KCNJ3: variants seen among roughly 807,000 people sequenced by gnomAD.
KCNJ3 encodes the protein potassium inwardly rectifying channel subfamily J member 3.
Under a neutral mutation model 39.2 loss-of-function variants are expected in KCNJ3, and 4 were observed. The observed-to-expected ratio is 0.10, with a 90% CI of 0.05 to 0.23. The LOEUF is 0.23. KCNJ3 is among the 10% of genes least tolerant of loss of function. The pLI is 1.00. For missense variants in KCNJ3, 276 were observed against 634.9 expected (o/e 0.43, Z 6.08); for synonymous variants, 230 against 237.4 (o/e 0.97, Z 0.29).
intron 2 of KCNJ3, among the ~76,000 whole-genome samples, chr2:154,743,544 A>AT (rs1685687630): frequency 6.7e-6 from 1 of 149,308 alleles, no homozygotes; most frequent in African/African-American, 2.4e-5. Flanking sequence ...AATTGTATAC[A>AT]TTTTTTCAGA....
chr2:154,841,002 G>T (rs1054539206), intron 2 of KCNJ3, among the ~76,000 whole-genome samples: 1 of 152,138 alleles, frequency 6.6e-6, no homozygotes, highest in African/African-American at 2.4e-5. Flanking sequence ...GAACATCCTT[G>T]TCTGGTGCCA....
chr2:154,745,261 C>G (rs1685720945), intron 2 of KCNJ3, among the ~76,000 whole-genome samples: 1 of 151,914 alleles, frequency 6.6e-6, no homozygotes, highest in Non-Finnish European at 1.5e-5. Context: ...TGGAGTTCTT[C>G]TATATCCTTA....
rs142813111 is a variant in KCNJ3, at chr2:154,840,085, C to G, written c.920-14642C>G. On this transcript the variant is annotated intron_variant, in intron 2 of 2. Transcript: ENST00000295101. The stretch of plus-strand genomic sequence containing the variant: ...ATGGTTTTAGGTCTAACATTTAAGT[C>G]TTTAATGCATCTTGAATTACTTTTT... Among the ~76,000 whole-genome samples, 93 of 152,246 alleles carry G rather than the reference C, an allele frequency of 6.1e-4. No homozygotes were observed. The East Asian group carries it at 0.015, about 25-fold the overall frequency.
At chr2:154,760,712 C>G (rs1686022800) in intron 2 of KCNJ3, among the ~76,000 whole-genome samples, 1 of 150,754 alleles carries the variant, frequency 6.6e-6, no homozygotes, top group African/African-American at 2.4e-5. Flanking sequence ...TGCCAACACC[C>G]TGGCTATTTT....
intron 2 of KCNJ3, among the ~76,000 whole-genome samples, chr2:154,794,532 C>G (rs1686687323): frequency 6.6e-6 from 1 of 152,040 alleles, no homozygotes; most frequent in African/African-American, 2.4e-5. Context: ...TGCAGTATGA[C>G]TGAGTGGAGG....
intron 2 of KCNJ3, among the ~76,000 whole-genome samples, chr2:154,780,292 C>T (rs1686414723): frequency 6.6e-6 from 1 of 152,034 alleles, no homozygotes; most frequent in Admixed American, 6.6e-5. Flanking sequence ...AGTTTATGTG[C>T]CTATATTGTG....
At chr2:154,809,094 T>A (rs1051392439) in intron 2 of KCNJ3, among the ~76,000 whole-genome samples, 2 of 152,130 alleles carry the variant, frequency 1.3e-5, no homozygotes. Flanking sequence ...CTTGGAATAG[T>A]AACAGTTTTC....
chr2:154,848,497 C>T (rs1483473992), intron 2 of KCNJ3, among the ~76,000 whole-genome samples: 1 of 151,872 alleles, frequency 6.6e-6, no homozygotes, highest in Admixed American at 6.6e-5. Context: ...TTTCTTTTTC[C>T]CGTCCAGTAG....
intron 2 of KCNJ3, among the ~76,000 whole-genome samples, chr2:154,719,072 C>G (rs573370929): frequency 6.6e-6 from 1 of 152,222 alleles, no homozygotes; most frequent in South Asian, 2.1e-4. Context: ...GGTCTTGGGA[C>G]TACCTGTATC....
At chr2:154,781,813 G>A (rs1330409069) in intron 2 of KCNJ3, among the ~76,000 whole-genome samples, 1 of 152,162 alleles carries the variant, frequency 6.6e-6, no homozygotes, top group Non-Finnish European at 1.5e-5. Context: ...GAGTATATCT[G>A]TGACTTTTAA....
In KCNJ3 at chr2:154,782,787, C is replaced by T. The variant is rs76144666; in HGVS notation, c.920-71940C>T. 2.1e-3 allele frequency among the ~76,000 whole-genome samples: 316 copies of T among 151,866 alleles called. 1 individual carries two copies. The highest frequency in any genetic ancestry group is 0.012 in the East Asian group (60 of 5,172). On this transcript the variant is annotated intron_variant, in intron 2 of 2. Transcript: ENST00000295101. Reference sequence around the variant, plus strand: ...ACCTTGTTTATTTTTTTCAGTTGGCCGGAGTGTATACAAGTACAAAAGAAG... The same window carrying T: ...ACCTTGTTTATTTTTTTCAGTTGGCTGGAGTGTATACAAGTACAAAAGAAG...
chr2:154,855,046 C>T lies in KCNJ3; in HGVS notation c.1239C>T (p.Pro413=), dbSNP rs1413769614. The part of the protein sequence containing the change: ...LQKITGREDF[P]KKLLRMSSTT... ...AAATTACTGGAAGAGAAGACTTTCC[C>T]AAAAAACTCTTGAGGATGAGTTCTA... The change falls in exon 3 of 3, where the codon CCC becomes CCT. Residue 413 remains proline (P), a synonymous_variant. Coordinates refer to ENST00000295101, the MANE Select transcript of KCNJ3 (RefSeq NM_002239.4). The T allele has an allele frequency of 6.2e-7, 1 of 1,613,916 alleles. No homozygotes were observed. Among genetic ancestry groups the T allele is most frequent in the East Asian group, 2.2e-5 (1 of 44,860 alleles).
Position 154,839,174 on chromosome 2 carries a change from C to T in KCNJ3, c.920-15553C>T, listed in dbSNP as rs1261069029. On this transcript the variant is annotated intron_variant, in intron 2 of 2. Transcript: ENST00000295101. ...AAGTGATCTCATTGTTCAGTTTCCACCTATGAGTGAGAACATGCGGTGTTT... is the reference window on the plus strand; with the variant it reads ...AAGTGATCTCATTGTTCAGTTTCCATCTATGAGTGAGAACATGCGGTGTTT... 2.6e-5 allele frequency among the ~76,000 whole-genome samples: 4 copies of T among 152,272 alleles called. No homozygotes were observed. The South Asian group carries it at 6.2e-4, about 24-fold the overall frequency.
Position 154,856,579 on chromosome 2 carries a change from A to C in KCNJ3, c.*1266A>C, listed in dbSNP as rs1687842369. The C allele has an allele frequency of 6.6e-6, 1 of 152,134 alleles. No homozygotes were observed. The highest frequency in any genetic ancestry group is 1.5e-5 in the Non-Finnish European group (1 of 68,004). 9.4% of individuals were successfully genotyped at this position (152,134 alleles called of 1,614,324 possible). On this transcript the variant is annotated 3_prime_UTR_variant, in exon 3 of 3. Transcript: ENST00000295101. ...CCATGCCTGTCACTTATAGTTCAGG[A>C]GGAAGTTTTTGCACAGACCAGAGAG...
intron 2 of KCNJ3, among the ~76,000 whole-genome samples, chr2:154,801,954 TAAAAC>T (rs745901720): frequency 1.4e-4 from 22 of 152,276 alleles, no homozygotes; most frequent in African/African-American, 4.6e-4. Context: ...CAACTAGAAT[TAAAAC>T]AAAACACAAC....
At chr2:154,819,994 A>G (rs1687146396) in intron 2 of KCNJ3, among the ~76,000 whole-genome samples, 1 of 152,106 alleles carries the variant, frequency 6.6e-6, no homozygotes, top group Admixed American at 6.6e-5. Flanking sequence ...GTGTTTTTAG[A>G]ATTATGGAAA....
At chr2:154,741,141 T>C (rs1685647395) in intron 2 of KCNJ3, among the ~76,000 whole-genome samples, 1 of 152,102 alleles carries the variant, frequency 6.6e-6, no homozygotes, top group South Asian at 2.1e-4. Flanking sequence ...TTATTAAGCC[T>C]CACATCACCT....
chr2:154,798,606 G>A (rs146206435), intron 2 of KCNJ3, among the ~76,000 whole-genome samples: 2 of 152,122 alleles, frequency 1.3e-5, no homozygotes, highest in Non-Finnish European at 2.9e-5. Context: ...CAAAAAAATA[G>A]AGTCTGTGAA....
At chr2:154,846,450 T>A (rs1461829692) in intron 2 of KCNJ3, among the ~76,000 whole-genome samples, 3 of 152,292 alleles carry the variant, frequency 2.0e-5, no homozygotes, top group Middle Eastern at 3.4e-3. Flanking sequence ...CATAAATAGG[T>A]TATATCATTT....
Sources: gnomAD v4.1 joint callset for allele counts (sites outside exome capture counted in the v4.1 genomes callset) on GRCh38, gnomAD v4.1.1 for gene constraint, MANE v1.5 for transcripts, NCBI Gene and HGNC (gene_info 2026-07-23, HGNC 2026-07-21) for gene names.